The following CTNND1 variants were observed in gnomAD, a reference collection of about 807,000 sequenced individuals.
CTNND1 encodes catenin delta-1.
Under a neutral mutation model 112.1 loss-of-function variants are expected in CTNND1, and 16 were observed. That is an observed-to-expected ratio of 0.14 (90% CI 0.10 to 0.22). The LOEUF (loss-of-function observed/expected upper bound fraction) is 0.22. Among genes scored for constraint, CTNND1 ranks in the 10% least tolerant of loss-of-function variants. The probability of loss-of-function intolerance (pLI) is 1.00; values close to 1 mark genes in which losing one functional copy is unlikely to be tolerated. For synonymous variants in CTNND1, 420 were observed against 446.5 expected, an observed-to-expected ratio of 0.94 and a Z score of 0.75; for missense variants, 1,008 against 1,257.0, an observed-to-expected ratio of 0.80 and a Z score of 3.00.
At chr11:57,782,508 G>GA (rs985408894) in intron 1 of CTNND1, among the ~76,000 whole-genome samples, 4 of 152,174 alleles carry the variant, frequency 2.6e-5, no homozygotes, top group Non-Finnish European at 5.9e-5. Context: ...ACAGAAAAAG[G>GA]AAAGTGATGA....
rs2064032388 is a variant in CTNND1, at chr11:57,817,211, T to G, written c.*903T>G. 1 of 152,874 alleles carries G rather than the reference T, an allele frequency of 6.5e-6. No homozygotes were observed. Among genetic ancestry groups the G allele is most frequent in the Non-Finnish European group, 1.5e-5 (1 of 68,260 alleles). The allele number at this position is 152,874 out of a possible 1,614,324, so 9.5% of individuals were successfully genotyped here. A position where few individuals can be genotyped will look rare whatever the true frequency, so the allele number is the denominator to read the frequency against. ...GCTAGTAGGAATGTACATGAAGCAATTAGTCTGAAACTGGCTTCCCCACTC... is the reference window on the plus strand; with the variant it reads ...GCTAGTAGGAATGTACATGAAGCAAGTAGTCTGAAACTGGCTTCCCCACTC... On this transcript the variant is annotated 3_prime_UTR_variant, in exon 21 of 21. Coordinates refer to ENST00000399050, the MANE Select transcript of CTNND1 (RefSeq NM_001085458.2).
intron 1 of CTNND1, among the ~76,000 whole-genome samples, chr11:57,766,988 T>C (rs1951237870): frequency 6.6e-6 from 1 of 151,822 alleles, no homozygotes; most frequent in African/African-American, 2.4e-5. Context: ...TTTTTTTTTT[T>C]TGAGATGGAG....
chr11:57,775,758 A>G (rs1215870541), intron 1 of CTNND1, among the ~76,000 whole-genome samples: 2 of 152,046 alleles, frequency 1.3e-5, no homozygotes, highest in Non-Finnish European at 2.9e-5. Flanking sequence ...GGGGCTGGTT[A>G]TGTTAGTAAT....
chr11:57,798,916 G>A (rs1452639160), intron 6 of CTNND1, among the ~76,000 whole-genome samples: 1 of 152,172 alleles, frequency 6.6e-6, no homozygotes, highest in Admixed American at 6.5e-5. Flanking sequence ...ATTAGAAACA[G>A]TGTTTTCCAG....
Position 57,819,163 on chromosome 11 carries a change from TTA to T in CTNND1, c.*2860_*2861del, listed in dbSNP as rs2064122174. On this transcript the variant is annotated 3_prime_UTR_variant, in exon 21 of 21. Coordinates refer to ENST00000399050, the MANE Select transcript of CTNND1 (RefSeq NM_001085458.2). The stretch of plus-strand genomic sequence containing the variant: ...GTATGCCCAAATCTTTAGATTAAAA[TTA>T]TATAGCTGCTCCTGATGATGGTCCT... 6.6e-6 allele frequency: 1 copy of T among 152,216 alleles called. No individual in the cohort carries two copies. The highest frequency in any genetic ancestry group is 2.1e-4 in the South Asian group (1 of 4,834). The allele number at this position is 152,216 out of a possible 1,614,324, so 9.4% of individuals were successfully genotyped here.
rs1951678270 is a variant in CTNND1 at position 57,768,437 on chromosome 11, AG to A, written c.-214+6320del. 2.5e-5 allele frequency among the ~76,000 whole-genome samples: 3 copies of A among 118,300 alleles called. No individual in the cohort carries two copies. The South Asian group carries it at 8.8e-4, about 35-fold the overall frequency. The allele number at this position is 118,300 out of a possible 152,430, so 77.6% of individuals were successfully genotyped here. ...TAGACAGAGTCTTGCTCTGTCGCCC[AG>A]GCTGGAGTGCAGTGGCGCGATCTCG... is the stretch of plus-strand genomic sequence containing the variant. On this transcript the variant is annotated intron_variant, in intron 1 of 20. Coordinates refer to ENST00000399050, the MANE Select transcript of CTNND1 (RefSeq NM_001085458.2).
chr11:57,763,705 C>T (rs1269127389), intron 1 of CTNND1: 1 of 152,246 alleles, frequency 6.6e-6, no homozygotes, highest in Admixed American at 6.5e-5. Context: ...TCTGCCTTGA[C>T]TCCAGCCTGG....
intron 17 of CTNND1, chr11:57,814,095 A>T: frequency 2.0e-6 from 1 of 499,752 alleles, no homozygotes; most frequent in African/African-American, 2.0e-5. Flanking sequence ...TGGGAGAATC[A>T]CTTGAGCCCA....
At position 57,818,917 on chromosome 11, in the gene CTNND1, T is replaced by C. The variant is rs1433346115; in HGVS notation, c.*2609T>C. On this transcript the variant is annotated 3_prime_UTR_variant, in exon 21 of 21. Coordinates refer to ENST00000399050, the MANE Select transcript of CTNND1 (RefSeq NM_001085458.2). ...GCCCATGTATATAAGTACTGACCAC[T>C]GGGCCATAATGTTGCTTCTCAGGCT... 1 of 152,210 alleles carries C rather than the reference T, an allele frequency of 6.6e-6. No individual in the cohort carries two copies. Among genetic ancestry groups the C allele is most frequent in the African/African-American group, 2.4e-5 (1 of 41,460 alleles). The allele number at this position is 152,210 out of a possible 1,614,324, so 9.4% of individuals were successfully genotyped here.
intron 3 of CTNND1, among the ~76,000 whole-genome samples, chr11:57,792,816 T>G (rs1482571655): frequency 6.8e-6 from 1 of 146,486 alleles, no homozygotes; most frequent in Non-Finnish European, 1.5e-5. Flanking sequence ...CGTGAGCTAC[T>G]GCACCCGGCT....
chr11:57,788,035 G>A lies in CTNND1; in HGVS notation c.-213-1002G>A, dbSNP rs1472767579. On this transcript the variant is annotated intron_variant, in intron 1 of 20. Transcript: ENST00000399050. This position sits in a 1 kb window ranked among gnomAD's most constrained non-coding sequence, Gnocchi z 4.1. ...GTAGCAGTAATTTGGGCTTTTATTA[G>A]CAAAGAAGATTATAGGGTGGATGCT... Among the ~76,000 whole-genome samples the A allele has an allele frequency of 6.6e-6, 1 of 152,194 alleles. No homozygotes were observed. The highest frequency in any genetic ancestry group is 2.4e-5 in the African/African-American group (1 of 41,456).
chr11:57,761,926 C>G lies in CTNND1; in HGVS notation c.-407C>G. On this transcript the variant is annotated 5_prime_UTR_variant, in exon 1 of 21. In the 5' UTR this introduces an upstream ATG that the reference lacks. Coordinates refer to ENST00000399050, the MANE Select transcript of CTNND1 (RefSeq NM_001085458.2). ...AGAGAGAAAGAAGAGCAGGAAAGAT[C>G]CCGAAAGGAGGAAGAGGTGGCGAAA... The G allele has an allele frequency of 1.0e-6, 1 of 985,344 alleles. No homozygotes were observed. Among genetic ancestry groups the G allele is most frequent in the Non-Finnish European group, 1.2e-6 (1 of 829,944 alleles). 61.0% of individuals were successfully genotyped at this position (985,344 alleles called of 1,614,324 possible).
chr11:57,781,809 TC>T (rs1421349758), intron 1 of CTNND1, among the ~76,000 whole-genome samples: 1 of 152,162 alleles, frequency 6.6e-6, no homozygotes, highest in Non-Finnish European at 1.5e-5. Flanking sequence ...TCATGCATGC[TC>T]CACAGAGAAG....
intron 1 of CTNND1, among the ~76,000 whole-genome samples, chr11:57,778,424 C>T (rs918685020): frequency 6.6e-6 from 1 of 152,146 alleles, no homozygotes; most frequent in African/African-American, 2.4e-5. Flanking sequence ...TTAACAGCAT[C>T]AGTAGCTTTA....
At chr11:57,779,092 A>G (rs947940) in intron 1 of CTNND1, among the ~76,000 whole-genome samples, 141,780 of 152,280 alleles carry the variant, frequency 0.93, 66,829 homozygotes, top group East Asian at 1. Flanking sequence ...GAAGGAAATA[A>G]ATGTTAAGTA....
intron 1 of CTNND1, among the ~76,000 whole-genome samples, chr11:57,778,937 T>C (rs1052326770): frequency 2.6e-5 from 4 of 152,122 alleles, no homozygotes; most frequent in African/African-American, 9.7e-5. Flanking sequence ...GATTAGAGAG[T>C]GTGAATTCTG....
chr11:57,774,865 A>G (rs1467190169), intron 1 of CTNND1, among the ~76,000 whole-genome samples: 1 of 152,014 alleles, frequency 6.6e-6, no homozygotes, highest in Non-Finnish European at 1.5e-5. Flanking sequence ...GGCATGCGCC[A>G]CCATACCTGC....
chr11:57,811,573 CTGAA>C, intron 17 of CTNND1, 87 bp downstream of exon 17: 1 of 853,224 alleles, frequency 1.2e-6, no homozygotes. Context: ...TATATTATTT[CTGAA>C]TTAGCTAGCC....
rs182884019 is a variant in CTNND1 at position 57,811,502 on chromosome 11, G to A, written c.2638+16G>A. The A allele has an allele frequency of 1.7e-4, 263 of 1,567,714 alleles. 1 individual carries two copies. The East Asian group carries it at 2.7e-3, about 16-fold the overall frequency. ...CAAAAATCAGGTGCAGTATCCAGAAGGCACACCCTCTCCTTTTAGCCACTC... is the reference window on the plus strand; with the variant it reads ...CAAAAATCAGGTGCAGTATCCAGAAAGCACACCCTCTCCTTTTAGCCACTC... On this transcript the variant is annotated intron_variant, in intron 17 of 20. Coordinates refer to ENST00000399050, the MANE Select transcript of CTNND1 (RefSeq NM_001085458.2).
Sources: gnomAD v4.1 joint callset for allele counts (sites outside exome capture counted in the v4.1 genomes callset) on GRCh38, gnomAD v4.1.1 for gene constraint, Gnocchi (gnomAD v3.1) non-coding constraint, MANE v1.5 for transcripts, NCBI Gene and HGNC (gene_info 2026-07-23, HGNC 2026-07-21) for gene names.